HIPK3: variants seen among roughly 807,000 people sequenced by gnomAD.
The protein encoded by HIPK3 is homeodomain-interacting protein kinase 3.
HIPK3 carries 47 observed loss-of-function variants against 124.2 expected under a neutral mutation model. The observed-to-expected ratio is 0.38, with a 90% CI of 0.30 to 0.48. The LOEUF is 0.48. HIPK3 is among the 20% of genes least tolerant of loss of function. HIPK3 has a pLI of 0.98. For synonymous variants in HIPK3, 482 were observed against 515.2 expected (o/e 0.94, Z 0.87); for missense variants, 1,286 against 1,454.3 (o/e 0.88, Z 1.88).
intron 8 of HIPK3, among the ~76,000 whole-genome samples, chr11:33,342,619 C>T (rs1432504914): frequency 2.0e-5 from 3 of 151,414 alleles, no homozygotes; most frequent in African/African-American, 7.3e-5. Context: ...TCTCGGCGCA[C>T]TGCAACCTGC....
chr11:33,286,799 C>G lies in HIPK3; in HGVS notation c.385C>G (p.Arg129Gly). The G allele has an allele frequency of 1.2e-6, 2 of 1,614,062 alleles. No individual in the cohort carries two copies. Among genetic ancestry groups the G allele is most frequent in the South Asian group, 2.2e-5 (2 of 91,080 alleles). Residue 129 changes from arginine to glycine, a missense_variant, in exon 2 of 17, where the codon CGC (arginine) becomes GGC (glycine). Arg to Gly is a moderately radical substitution (Grantham distance 125). This residue lies in a region of HIPK3 where 225 missense variants were observed against 240.3 expected (regional missense o/e 0.94). Coordinates refer to ENST00000303296, the MANE Select transcript of HIPK3 (RefSeq NM_005734.5). Reference protein sequence around the residue: ...LEGPQRCGLKRKSEELDNHSS... With the variant: ...LEGPQRCGLKGKSEELDNHSS... ...AGGCCCCCAGCGATGTGGATTGAAGCGCAAGAGTGAGGAGTTGGATAATCA... is the reference window on the plus strand; with the variant it reads ...AGGCCCCCAGCGATGTGGATTGAAGGGCAAGAGTGAGGAGTTGGATAATCA...
At chr11:33,279,713 T>C (rs1432316299) in intron 1 of HIPK3, among the ~76,000 whole-genome samples, 2 of 152,182 alleles carry the variant, frequency 1.3e-5, no homozygotes, top group Admixed American at 6.6e-5. Context: ...ATAAAATCCC[T>C]TAGACTGGGT....
At chr11:33,303,168 C>CA (rs1383509495) in intron 2 of HIPK3, among the ~76,000 whole-genome samples, 3 of 152,172 alleles carry the variant, frequency 2.0e-5, no homozygotes, top group Non-Finnish European at 4.4e-5. Context: ...CACAGACACT[C>CA]AAGTCCCTTA....
intron 2 of HIPK3, among the ~76,000 whole-genome samples, chr11:33,313,658 G>GA (rs1426227167): frequency 2.6e-5 from 4 of 151,424 alleles, no homozygotes; most frequent in East Asian, 3.9e-4. Flanking sequence ...CAGTTATAAG[G>GA]AAAAAAAAGT....
At chr11:33,287,644 G>A in intron 2 of HIPK3, 133 bp downstream of exon 2, 1 of 1,037,982 alleles carries the variant, frequency 9.6e-7, no homozygotes, top group South Asian at 1.8e-5. Flanking sequence ...ATCAATTTAG[G>A]TTCGTTTTAA....
At chr11:33,286,391 C>CTTTT (rs34512764) in intron 1 of HIPK3, 22 bp from the exon 2 acceptor site, 3 of 1,164,600 alleles carry the variant, frequency 2.6e-6, no homozygotes, top group Non-Finnish European at 2.2e-6. Flanking sequence ...TTTTCTTTTC[C>CTTTT]TTTTTTTTTT....
At chr11:33,334,760 C>T (rs1853089770) in intron 3 of HIPK3, among the ~76,000 whole-genome samples, 1 of 152,142 alleles carries the variant, frequency 6.6e-6, no homozygotes. Context: ...GACAAGCTTG[C>T]TCTAGGCAGT....
At chr11:33,324,254 A>T (rs1852745673) in intron 2 of HIPK3, among the ~76,000 whole-genome samples, 2 of 152,148 alleles carry the variant, frequency 1.3e-5, no homozygotes, top group African/African-American at 4.8e-5. Flanking sequence ...TTTAAAGTGT[A>T]TTGTGTTGTA....
chr11:33,263,027 A>G (rs1850866875), intron 1 of HIPK3, among the ~76,000 whole-genome samples: 1 of 151,948 alleles, frequency 6.6e-6, no homozygotes. Flanking sequence ...GGTCTTGCTG[A>G]CACCTTGAAT....
At chr11:33,266,029 A>T (rs1196272022) in intron 1 of HIPK3, among the ~76,000 whole-genome samples, 3 of 144,572 alleles carry the variant, frequency 2.1e-5, no homozygotes, top group Non-Finnish European at 4.5e-5. Context: ...GTTTGCAGTG[A>T]GCCTGGGCGA....
At chr11:33,290,886 G>A (rs887450909) in intron 2 of HIPK3, among the ~76,000 whole-genome samples, 5 of 152,160 alleles carry the variant, frequency 3.3e-5, no homozygotes, top group South Asian at 2.1e-4. Flanking sequence ...TTTACCCGAC[G>A]TTCAGAAGCT....
chr11:33,272,977 G>A (rs2133879331), intron 1 of HIPK3, among the ~76,000 whole-genome samples: 1 of 151,430 alleles, frequency 6.6e-6, no homozygotes, highest in Middle Eastern at 3.4e-3. Flanking sequence ...TGGGACTATA[G>A]GTGTGTGTCA....
At chr11:33,353,067 A>ATTTT in intron 16 of HIPK3, 25 bp from the exon 17 acceptor site, 4 of 1,041,666 alleles carry the variant, frequency 3.8e-6, no homozygotes, top group South Asian at 3.5e-5. Context: ...TTATTCAGTC[A>ATTTT]TTTTTTTTTT....
chr11:33,339,339 G>T lies in HIPK3; in HGVS notation c.1429-11G>T. ...TTTTTACTTGATGGCTTGAAATTTTGATTTTCTTAGGTGAACACAGTGATG... is the reference window on the plus strand; with the variant it reads ...TTTTTACTTGATGGCTTGAAATTTTTATTTTCTTAGGTGAACACAGTGATG... On this transcript the variant is annotated splice_polypyrimidine_tract_variant and intron_variant, in intron 5 of 16. Transcript: ENST00000303296. The T allele has an allele frequency of 6.9e-7, 1 of 1,445,938 alleles. No homozygotes were observed. Among genetic ancestry groups the T allele is most frequent in the Non-Finnish European group, 9.1e-7 (1 of 1,100,220 alleles). 89.6% of individuals were successfully genotyped at this position (1,445,938 alleles called of 1,614,324 possible). A position where few individuals can be genotyped will look rare whatever the true frequency, so the allele number is the denominator to read the frequency against.
chr11:33,316,919 T>C (rs1852519397), intron 2 of HIPK3, among the ~76,000 whole-genome samples: 1 of 152,208 alleles, frequency 6.6e-6, no homozygotes, highest in African/African-American at 2.4e-5. Flanking sequence ...GTAAGAAAAC[T>C]AGTAAATTCC....
intron 3 of HIPK3, among the ~76,000 whole-genome samples, chr11:33,336,131 C>T (rs1244504398): frequency 1.3e-5 from 2 of 152,048 alleles, no homozygotes; most frequent in African/African-American, 4.8e-5. Flanking sequence ...CTGAGAAGGG[C>T]AGAGTTTGCC....
chr11:33,341,746 A>T, intron 8 of HIPK3, 60 bp downstream of exon 8: 1 of 1,447,802 alleles, frequency 6.9e-7, no homozygotes, highest in South Asian at 1.3e-5. Context: ...AAATAAGTTT[A>T]GGAATCTGTT....
intron 8 of HIPK3, among the ~76,000 whole-genome samples, chr11:33,345,974 A>G (rs1176442808): frequency 2.0e-5 from 3 of 152,206 alleles, no homozygotes; most frequent in Admixed American, 2.0e-4. Flanking sequence ...AACACTCAAC[A>G]TCACATTTAT....
intron 3 of HIPK3, among the ~76,000 whole-genome samples, chr11:33,333,829 C>G (rs1220025817): frequency 2.0e-5 from 3 of 152,138 alleles, no homozygotes; most frequent in African/African-American, 7.2e-5. Flanking sequence ...TTTTTCTGTT[C>G]TACTGAATTG....
Sources: allele counts gnomAD v4.1 joint callset (sites outside exome capture counted in the v4.1 genomes callset), GRCh38; gene constraint gnomAD v4.1.1; regional missense constraint gnomAD v4.1.1; transcripts MANE v1.5; gene names NCBI Gene and HGNC (gene_info 2026-07-23, HGNC 2026-07-21).